HMCN2: variants seen among roughly 807,000 people sequenced by gnomAD.
HMCN2 encodes the protein hemicentin-2.
Under a neutral mutation model 377.5 loss-of-function variants are expected in HMCN2, and 325 were observed. The ratio of observed to expected loss-of-function variants is 0.86; its 90% CI spans 0.79 to 0.94. HMCN2 has a LOEUF of 0.94. Ranked by LOEUF, HMCN2 falls within the 40% of genes least tolerant of loss-of-function variation. The pLI, the probability that HMCN2 is intolerant of heterozygous loss-of-function variation, is 0.00. For missense variants in HMCN2, 4,543 were observed against 4,725.3 expected, an observed-to-expected ratio of 0.96 and a Z score of 1.13; for synonymous variants, 2,007 against 2,046.8, an observed-to-expected ratio of 0.98 and a Z score of 0.53.
intron 8 of HMCN2, among the ~76,000 whole-genome samples, chr9:130,301,640 T>TC (rs1185534497): frequency 1.1e-4 from 16 of 151,492 alleles, no homozygotes; most frequent in Middle Eastern, 3.4e-3. Flanking sequence ...CAGACACCCC[T>TC]CCCCCCCCGG....
At chr9:130,420,644 G>A (rs1481358964) in intron 86 of HMCN2, among the ~76,000 whole-genome samples, 1 of 152,064 alleles carries the variant, frequency 6.6e-6, no homozygotes, top group Admixed American at 6.6e-5. Context: ...GGTCTTGGTG[G>A]TGGTCCTCGG....
intron 24 of HMCN2, 148 bp from the exon 25 acceptor site, chr9:130,342,202 G>A (rs1289545619): frequency 2.0e-5 from 3 of 152,132 alleles, no homozygotes; most frequent in Non-Finnish European, 4.4e-5. Flanking sequence ...AGTACCCCTG[G>A]CCCTGACTGG....
chr9:130,404,727 C>T lies in HMCN2; in HGVS notation c.12149-142C>T, dbSNP rs188649175. On this transcript the variant is annotated intron_variant, in intron 80 of 97. Transcript: ENST00000683500. ...GTCCCCAAATCATCCTGAGCACGGG[C>T]AATGGCCTATGACTAGGGAGTTGGA... 118 of 449,584 alleles carry T rather than the reference C, an allele frequency of 2.6e-4. 2 individuals carry two copies. The highest frequency in any genetic ancestry group is 3.6e-4 in the Non-Finnish European group (100 of 276,252). The allele number at this position is 449,584 out of a possible 1,614,324, so 27.8% of individuals were successfully genotyped here.
At chr9:130,348,878 C>T (rs1839540351) in intron 27 of HMCN2, 106 bp from the exon 28 acceptor site, 3 of 1,210,682 alleles carry the variant, frequency 2.5e-6, no homozygotes, top group South Asian at 2.8e-5. Flanking sequence ...AGCATGGCAC[C>T]GTTCTGGCCA....
chr9:130,430,669 G>T, intron 95 of HMCN2, 65 bp downstream of exon 95: 1 of 1,421,736 alleles, frequency 7.0e-7, no homozygotes, highest in East Asian at 2.5e-5. Flanking sequence ...CCTAGGGTGG[G>T]TGTGCAGGTG....
intron 93 of HMCN2, 82 bp from the exon 94 acceptor site, chr9:130,429,474 GA>G (rs939162970): frequency 5.9e-6 from 9 of 1,513,000 alleles, no homozygotes; most frequent in Middle Eastern, 1.7e-4. Flanking sequence ...AGGAGGCCCA[GA>G]TATGGAGGGG....
At chr9:130,335,255 G>A (rs1200209176) in intron 22 of HMCN2, among the ~76,000 whole-genome samples, 2 of 152,116 alleles carry the variant, frequency 1.3e-5, no homozygotes, top group Non-Finnish European at 2.9e-5. Context: ...TCCCAGCCTG[G>A]AGTGTGATTG....
chr9:130,410,567 G>T lies in HMCN2; in HGVS notation c.12880-4G>T. 6.4e-7 allele frequency: 1 copy of T among 1,550,430 alleles called. No individual in the cohort carries two copies. The highest frequency in any genetic ancestry group is 8.7e-7 in the Non-Finnish European group (1 of 1,146,866). ...CATGCCTCCTCTCCTGTGCCCACTT[G>T]CAGAGGGACGATGCGGGACGGTACC... is the stretch of plus-strand genomic sequence containing the variant. On this transcript the variant is annotated splice_polypyrimidine_tract_variant and splice_region_variant and intron_variant, in intron 84 of 97. Coordinates refer to ENST00000683500, the MANE Select transcript of HMCN2 (RefSeq NM_001291815.2).
intron 85 of HMCN2, among the ~76,000 whole-genome samples, chr9:130,412,484 T>C (rs900958248): frequency 6.6e-6 from 1 of 152,164 alleles, no homozygotes; most frequent in Non-Finnish European, 1.5e-5. Context: ...ATTTTTTGAA[T>C]CATGTATTTG....
intron 65 of HMCN2, 56 bp from the exon 66 acceptor site, chr9:130,391,878 AG>A: frequency 1.1e-6 from 1 of 936,982 alleles, no homozygotes; most frequent in Non-Finnish European, 1.3e-6. Context: ...CCCTGGGAGG[AG>A]CCCACCTTCC....
At chr9:130,409,225 G>A (rs2131744314) in intron 84 of HMCN2, among the ~76,000 whole-genome samples, 1 of 152,318 alleles carries the variant, frequency 6.6e-6, no homozygotes, top group South Asian at 2.1e-4. Flanking sequence ...AGTGATCTGT[G>A]GGTAATGCCT....
chr9:130,410,764 A>C, intron 85 of HMCN2, 112 bp downstream of exon 85: 2 of 860,868 alleles, frequency 2.3e-6, no homozygotes, highest in Non-Finnish European at 3.8e-6. Context: ...TTCTTTCATT[A>C]ATACTTACTT....
rs367619769 is a variant in HMCN2, at chr9:130,376,036, C to T, written c.7918+47C>T. 850 of 882,650 alleles carry T rather than the reference C, an allele frequency of 9.6e-4. 6 individuals are homozygous for T. In the African/African-American group the frequency reaches 0.014, roughly 15 times the overall value. The allele number at this position is 882,650 out of a possible 1,614,324, so 54.7% of individuals were successfully genotyped here. ...ACAGCCGGGTGGGCAGAAGACCGCC[C>T]GGGAACCTAGGGGCCCAGGCACCTG... On this transcript the variant is annotated intron_variant, in intron 51 of 97. Transcript: ENST00000683500.
chr9:130,355,211 G>A (rs536174436), intron 32 of HMCN2, among the ~76,000 whole-genome samples, 167 bp downstream of exon 32: 2 of 152,306 alleles, frequency 1.3e-5, no homozygotes, highest in African/African-American at 4.8e-5. Flanking sequence ...CTGGGCTGTG[G>A]GGCCGGCAGG....
At position 130,303,547 on chromosome 9, in the gene HMCN2, C is replaced by T. The variant is rs1554935355; in HGVS notation, c.1482C>T (p.Tyr494=). 3 of 416,820 alleles carry T rather than the reference C, an allele frequency of 7.2e-6. No individual in the cohort carries two copies. The highest frequency in any genetic ancestry group is 2.1e-5 in the African/African-American group (1 of 47,916). 25.8% of individuals were successfully genotyped at this position (416,820 alleles called of 1,614,324 possible). ...LRASKAEEGT[Y]ECTAVSRAGT... is the part of the protein sequence containing the mutation. The stretch of plus-strand genomic sequence containing the variant: ...CCTCCAAGGCCGAGGAGGGCACGTA[C>T]GAGTGCACAGCCGTCAGCAGGGCTG... The change falls in exon 10 of 98, where the codon TAC becomes TAT. Residue 494 remains tyrosine, a synonymous_variant. Transcript: ENST00000683500. This position sits in a 1 kb window ranked among gnomAD's most constrained non-coding sequence, Gnocchi z 5.2.
At chr9:130,407,421 G>A in intron 82 of HMCN2, 150 bp from the exon 83 acceptor site, 1 of 569,980 alleles carries the variant, frequency 1.8e-6, no homozygotes, top group Non-Finnish European at 2.7e-6. Flanking sequence ...TGTGGCCTGT[G>A]CCTCCCAGGA....
chr9:130,410,972 A>G (rs1341418336), intron 85 of HMCN2, among the ~76,000 whole-genome samples: 1 of 152,226 alleles, frequency 6.6e-6, no homozygotes, highest in Non-Finnish European at 1.5e-5. Flanking sequence ...GAGCCTCAGA[A>G]TAACACTGTG....
intron 19 of HMCN2, among the ~76,000 whole-genome samples, chr9:130,323,948 T>A (rs949305870): frequency 3.7e-4 from 56 of 152,090 alleles, no homozygotes; most frequent in African/African-American, 1.4e-3. Context: ...GTGATCCACC[T>A]GCCTCAGCCT....
Position 130,292,543 on chromosome 9 carries a change from C to T in HMCN2, c.613-2312C>T, listed in dbSNP as rs181014740. 5.0e-3 allele frequency among the ~76,000 whole-genome samples: 761 copies of T among 152,286 alleles called. 26 individuals are homozygous for T. Among genetic ancestry groups the T allele is most frequent in the Admixed American group, 0.046 (703 of 15,300 alleles). ...GGAATCACACTTAGTTCTTTCTCTTCGATTAAGGAGTCACTTCAGTTGTGG... is the reference window on the plus strand; with the variant it reads ...GGAATCACACTTAGTTCTTTCTCTTTGATTAAGGAGTCACTTCAGTTGTGG... On this transcript the variant is annotated intron_variant, in intron 4 of 97. Transcript: ENST00000683500.
Sources: allele counts gnomAD v4.1 joint callset (sites outside exome capture counted in the v4.1 genomes callset), GRCh38; gene constraint gnomAD v4.1.1; non-coding constraint Gnocchi (gnomAD v3.1); transcripts MANE v1.5; gene names NCBI Gene and HGNC (gene_info 2026-07-23, HGNC 2026-07-21).